TANK: variants seen among roughly 807,000 people sequenced by gnomAD.
TANK encodes the protein TRAF family member associated NFKB activator, also known as TRAF family member-associated NF-kappa-B activator.
A neutral mutation model predicts 43.6 loss-of-function variants in TANK; 15 were observed. The observed-to-expected ratio is 0.34, with a 90% confidence interval of 0.23 to 0.53. The LOEUF is 0.53. Ranked by LOEUF, TANK falls within the 20% of genes least tolerant of loss-of-function variation. The probability of loss-of-function intolerance (pLI) is 0.94; values close to 1 mark genes in which losing one functional copy is unlikely to be tolerated. For synonymous variants in TANK, 162 were observed against 178.2 expected, an observed-to-expected ratio of 0.91 and a Z score of 0.73; for missense variants, 417 against 498.6, an observed-to-expected ratio of 0.84 and a Z score of 1.56.
intron 7 of TANK, chr2:161,232,795 C>A (rs926695213): frequency 6.5e-7 from 1 of 1,550,344 alleles, no homozygotes; most frequent in Non-Finnish European, 8.7e-7. Context: ...TATACTACAG[C>A]AAGGGAAACA....
chr2:161,155,837 A>T (rs1400016088), upstream of TANK, among the ~76,000 whole-genome samples: 1 of 152,200 alleles, frequency 6.6e-6, no homozygotes, highest in Non-Finnish European at 1.5e-5. Context: ...TAATTGCCTG[A>T]TTCTTGTATG....
intron 6 of TANK, 91 bp downstream of exon 6, chr2:161,224,837 A>G (rs1178398645): frequency 1.3e-6 from 1 of 747,602 alleles, no homozygotes; most frequent in Non-Finnish European, 2.1e-6. Context: ...ATGCCTATTA[A>G]GTGTGTAGCA....
At chr2:161,147,097 G>C (rs1558958362) in intron 1 of TANK, among the ~76,000 whole-genome samples, 1 of 152,102 alleles carries the variant, frequency 6.6e-6, no homozygotes, top group Admixed American at 6.5e-5. Context: ...AAGAGGGTCT[G>C]GCCGCAGTTT....
chr2:161,235,330 T>G lies in TANK; in HGVS notation c.1102-12T>G, dbSNP rs1321018982. On this transcript the variant is annotated splice_polypyrimidine_tract_variant and intron_variant, in intron 7 of 7. Transcript: ENST00000392749. Reference sequence around the variant, plus strand: ...AACATAAGTAACAGATATTTTTGTTTGTTTCCTGCAGCCCATTTGGAAGCC... The same window carrying G: ...AACATAAGTAACAGATATTTTTGTTGGTTTCCTGCAGCCCATTTGGAAGCC... The G allele has an allele frequency of 6.3e-7, 1 of 1,575,844 alleles. No homozygotes were observed. The highest frequency in any genetic ancestry group is 2.3e-5 in the East Asian group (1 of 43,568).
At chr2:161,232,463 C>T (rs12471074) in intron 7 of TANK, among the ~76,000 whole-genome samples, 16,765 of 151,986 alleles carry the variant, frequency 0.11, 1,650 homozygotes, top group African/African-American at 0.26. Context: ...TAAATCAGCA[C>T]GCAAAGAAGG....
At chr2:161,224,521 C>T (rs1257039848) in intron 5 of TANK, 110 bp from the exon 6 acceptor site, 3 of 470,744 alleles carry the variant, frequency 6.4e-6, no homozygotes, top group African/African-American at 4.1e-5. Flanking sequence ...TTTTTTTTTA[C>T]TTTTAAATAA....
At chr2:161,211,942 C>T (rs1686907418) in intron 4 of TANK, 1 of 975,402 alleles carries the variant, frequency 1.0e-6, no homozygotes, top group African/African-American at 1.8e-5. Flanking sequence ...TATTACTCCT[C>T]TGGAGACTAG....
At chr2:161,232,698 TTCTC>T in intron 7 of TANK, 1 of 1,531,510 alleles carries the variant, frequency 6.5e-7, no homozygotes. Context: ...TGTTACTTTT[TTCTC>T]TATTATATGT....
intron 4 of TANK, among the ~76,000 whole-genome samples, chr2:161,208,384 C>A (rs977793394): frequency 2.6e-5 from 4 of 152,154 alleles, no homozygotes; most frequent in African/African-American, 9.7e-5. Context: ...AAGCCTCTAT[C>A]ATTAGATGAC....
rs575708532 is a variant in TANK, at chr2:161,145,587, C to T, written c.-50+8524C>T. On this transcript the variant is annotated intron_variant, in intron 1 of 7. Transcript: ENST00000259075. Reference sequence around the variant, plus strand: ...TGGAAAGGATTTTATTTCTCCTTCTCTTATGTAGTTTGGCTGGATATGAAA... The same window carrying T: ...TGGAAAGGATTTTATTTCTCCTTCTTTTATGTAGTTTGGCTGGATATGAAA... Among the ~76,000 whole-genome samples the T allele has an allele frequency of 4.8e-4, 73 of 151,902 alleles. 2 individuals are homozygous for T. The highest frequency in any genetic ancestry group is 1.7e-3 in the African/African-American group (72 of 41,274).
intron 6 of TANK, among the ~76,000 whole-genome samples, chr2:161,226,252 C>T (rs536082741): frequency 3.5e-4 from 53 of 152,278 alleles, no homozygotes; most frequent in African/African-American, 1.3e-3. Context: ...AGCTAGAACA[C>T]TGAGTATTTA....
At chr2:161,205,475 T>G (rs543067484) in intron 4 of TANK, among the ~76,000 whole-genome samples, 2 of 152,320 alleles carry the variant, frequency 1.3e-5, no homozygotes, top group East Asian at 1.9e-4. Context: ...TTTCTAGCTT[T>G]TTCTTCAATA....
At chr2:161,226,912 C>T (rs1174268313) in intron 6 of TANK, 1 of 152,256 alleles carries the variant, frequency 6.6e-6, no homozygotes, top group Non-Finnish European at 1.5e-5. Flanking sequence ...CAATATACAA[C>T]GTGATTATAC....
intron 6 of TANK, among the ~76,000 whole-genome samples, chr2:161,228,079 G>A (rs112960154): frequency 6.6e-6 from 1 of 152,202 alleles, no homozygotes; most frequent in Non-Finnish European, 1.5e-5. Flanking sequence ...AGGGTCTGGA[G>A]TTAGAAGGAA....
chr2:161,185,982 G>T (rs1685645436), intron 2 of TANK, among the ~76,000 whole-genome samples: 1 of 152,074 alleles, frequency 6.6e-6, no homozygotes, highest in Non-Finnish European at 1.5e-5. Flanking sequence ...AAATTTTTCA[G>T]TGATTTCTAT....
At chr2:161,202,770 G>A (rs560237796) in intron 2 of TANK, 522 of 410,032 alleles carry the variant, frequency 1.3e-3, no homozygotes, top group Non-Finnish European at 2.0e-3. Flanking sequence ...TTTGGTAATT[G>A]TGATACAACA....
At chr2:161,170,053 C>T (rs879486311) in intron 1 of TANK, among the ~76,000 whole-genome samples, 14 of 152,174 alleles carry the variant, frequency 9.2e-5, no homozygotes, top group Non-Finnish European at 2.1e-4. Flanking sequence ...GATTGTCCTT[C>T]TTATCCATGA....
At chr2:161,220,330 C>T (rs941489018) in intron 4 of TANK, among the ~76,000 whole-genome samples, 26 of 152,174 alleles carry the variant, frequency 1.7e-4, no homozygotes, top group Non-Finnish European at 2.5e-4. Context: ...CAGCTGGGCG[C>T]GGTGGCTCAC....
chr2:161,156,009 G>A, upstream of TANK: 1 of 956,354 alleles, frequency 1.0e-6, no homozygotes, highest in Non-Finnish European at 1.2e-6. Flanking sequence ...AACAAGATAG[G>A]TCATTAATAT....
Sources: gnomAD v4.1 joint callset for allele counts (sites outside exome capture counted in the v4.1 genomes callset) on GRCh38, gnomAD v4.1.1 for gene constraint, MANE v1.5 for transcripts, NCBI Gene and HGNC (gene_info 2026-07-23, HGNC 2026-07-21) for gene names.